Variants in REV1 observed in about 807,000 individuals in gnomAD.
The protein encoded by REV1 is translesion synthesis protein REV1.
REV1 carries 42 observed loss-of-function variants against 137.4 expected under a neutral mutation model. The observed-to-expected ratio is 0.31, with a 90% CI of 0.24 to 0.40. The LOEUF (loss-of-function observed/expected upper bound fraction) is 0.40. Ranked by LOEUF, REV1 falls within the 10% of genes least tolerant of loss-of-function variation. REV1 has a pLI of 1.00. For missense variants in REV1, 1,282 were observed against 1,490.1 expected (o/e 0.86, Z 2.30); for synonymous variants, 524 against 519.2 (o/e 1.01, Z -0.12).
intron 4 of REV1, among the ~76,000 whole-genome samples, chr2:99,447,997 A>G (rs1218223183): frequency 6.6e-6 from 1 of 152,148 alleles, no homozygotes; most frequent in Admixed American, 6.5e-5. Context: ...TGCCCGGCCA[A>G]GCATAAAGTT....
At position 99,405,949 on chromosome 2, in the gene REV1, C is replaced by T. The variant is rs199902703; in HGVS notation, c.2772G>A (p.Ser924=). 3 of 1,609,870 alleles carry T rather than the reference C, an allele frequency of 1.9e-6. No individual in the cohort carries two copies. Among genetic ancestry groups the T allele is most frequent in the Admixed American group, 1.7e-5 (1 of 59,560 alleles). Residue 924 remains serine, a synonymous_variant, in exon 17 of 23, where the codon TCG becomes TCA. Coordinates refer to ENST00000258428, the MANE Select transcript of REV1 (RefSeq NM_016316.4). ...GGACCTCTATACTCAGGTTAAGTCT[C>T]GACTGCACACTGACAGGAGTATGTA... ...NGLHTPVSVQ[S]RLNLSIEVPS...
chr2:99,468,125 A>C (rs1038174839), intron 1 of REV1, among the ~76,000 whole-genome samples: 1 of 151,778 alleles, frequency 6.6e-6, no homozygotes. Context: ...GGTTGCGGTG[A>C]GCCGAGATTG....
intron 3 of REV1, among the ~76,000 whole-genome samples, chr2:99,456,692 T>A (rs961613725): frequency 6.6e-6 from 1 of 152,252 alleles, no homozygotes; most frequent in African/African-American, 2.4e-5. Flanking sequence ...TAAATGTTTC[T>A]AGCAATAATG....
intron 4 of REV1, among the ~76,000 whole-genome samples, chr2:99,448,316 TTC>T (rs1314545679): frequency 2.0e-5 from 3 of 152,156 alleles, no homozygotes; most frequent in South Asian, 4.1e-4. Flanking sequence ...AATATTTTAC[TTC>T]TTTTATAAAT....
intron 10 of REV1, among the ~76,000 whole-genome samples, chr2:99,423,414 C>T (rs1380421885): frequency 3.3e-5 from 5 of 152,156 alleles, no homozygotes; most frequent in East Asian, 3.9e-4. Flanking sequence ...ATACATTCCC[C>T]GTGGCTGCTT....
chr2:99,468,998 A>G (rs1685116720), intron 1 of REV1, among the ~76,000 whole-genome samples: 2 of 152,238 alleles, frequency 1.3e-5, no homozygotes, highest in Admixed American at 6.5e-5. Flanking sequence ...TCCCAATTCT[A>G]CGACTGCCTA....
chr2:99,473,130 C>T (rs959890541), intron 1 of REV1, among the ~76,000 whole-genome samples: 3 of 152,010 alleles, frequency 2.0e-5, no homozygotes, highest in African/African-American at 4.8e-5. Flanking sequence ...CTTTGGGAGG[C>T]TGAGGTGGGC....
At chr2:99,460,807 GATA>G (rs1282476600) in intron 3 of REV1, among the ~76,000 whole-genome samples, 1 of 152,000 alleles carries the variant, frequency 6.6e-6, no homozygotes, top group African/African-American at 2.4e-5. Flanking sequence ...AAAGGATAGA[GATA>G]ATAACAGATC....
rs778301977 is a variant in REV1 at position 99,438,981 on chromosome 2, T to C, written c.833A>G (p.Gln278Arg). The change falls in exon 6 of 23, where the codon CAG becomes CGG. Residue 278 changes from glutamine (Q) to arginine (R), a missense_variant. Physicochemically the swap from Gln to Arg is conservative, Grantham distance 43. This residue lies in a region of REV1 where 432 missense variants were observed against 438.0 expected (regional missense o/e 0.99). Transcript: ENST00000258428. ...TGTGTTTCTGGTGCTTTGCTGCAACTGCTGCAGAGTGCAGTCTCTGAAATC... is the reference window on the plus strand; with the variant it reads ...TGTGTTTCTGGTGCTTTGCTGCAACCGCTGCAGAGTGCAGTCTCTGAAATC... ...STDFRDCTLQ[Q>R]LQQSTRNTDA... The C allele has an allele frequency of 3.7e-6, 6 of 1,614,122 alleles. No individual in the cohort carries two copies. Among genetic ancestry groups the C allele is most frequent in the Non-Finnish European group, 5.1e-6 (6 of 1,180,054 alleles).
intron 1 of REV1, among the ~76,000 whole-genome samples, chr2:99,476,413 G>A (rs1391705561): frequency 5.3e-5 from 8 of 152,030 alleles, no homozygotes; most frequent in African/African-American, 9.7e-5. Context: ...AAAATTAGCC[G>A]GGCATGGTGG....
At chr2:99,485,355 A>C (rs1345844048) in intron 1 of REV1, among the ~76,000 whole-genome samples, 2 of 152,260 alleles carry the variant, frequency 1.3e-5, no homozygotes, top group Admixed American at 1.3e-4. Flanking sequence ...GAACAGAAAG[A>C]TACAGAGCAC....
At position 99,438,873 on chromosome 2, in the gene REV1, TG is replaced by T. The variant is rs757694477; in HGVS notation, c.940del (p.His314ThrfsTer55). Reference protein sequence around the residue: ...HSNTKINGAHHSTVQGPSSTK... With the variant: ...HSNTKINGAHXSTVQGPSSTK... ...GCTTGAAGGCCCCTGAACAGTGGAGTGGTGAGCACCATTGATTTTAGTGTTA... is the reference window on the plus strand; with the variant it reads ...GCTTGAAGGCCCCTGAACAGTGGAGTGTGAGCACCATTGATTTTAGTGTTA... On this transcript the variant is annotated frameshift_variant, in exon 6 of 23. Transcript: ENST00000258428. LOFTEE classifies it high-confidence loss of function. 6.2e-7 allele frequency: 1 copy of T among 1,614,118 alleles called. No homozygotes were observed. Among genetic ancestry groups the T allele is most frequent in the Non-Finnish European group, 8.5e-7 (1 of 1,180,030 alleles).
intron 9 of REV1, among the ~76,000 whole-genome samples, chr2:99,427,335 T>A (rs1421731517): frequency 6.6e-6 from 1 of 152,222 alleles, no homozygotes; most frequent in East Asian, 1.9e-4. Context: ...TTCTAGGATA[T>A]CTGTGTATCG....
intron 12 of REV1, among the ~76,000 whole-genome samples, chr2:99,417,452 A>G (rs1171524463): frequency 6.6e-6 from 1 of 152,138 alleles, no homozygotes. Context: ...CCACAGTGTG[A>G]CTGTATTTGG....
intron 14 of REV1, among the ~76,000 whole-genome samples, 176 bp downstream of exon 14, chr2:99,410,519 C>A (rs1314778152): frequency 1.3e-5 from 2 of 152,194 alleles, no homozygotes; most frequent in African/African-American, 4.8e-5. Context: ...CTCGCTGAAA[C>A]CAAGTGCATT....
chr2:99,443,569 T>C (rs1681785957), intron 4 of REV1, among the ~76,000 whole-genome samples: 1 of 152,196 alleles, frequency 6.6e-6, no homozygotes, highest in African/African-American at 2.4e-5. Context: ...ACAGAGTATG[T>C]CCTTTATATA....
chr2:99,457,644 C>T (rs1054970635), intron 3 of REV1, among the ~76,000 whole-genome samples: 2 of 150,772 alleles, frequency 1.3e-5, no homozygotes, highest in African/African-American at 2.4e-5. Flanking sequence ...GAGATCATAC[C>T]ACTGTACTCC....
chr2:99,463,419 T>C (rs1440766825), intron 2 of REV1, among the ~76,000 whole-genome samples: 1 of 152,094 alleles, frequency 6.6e-6, no homozygotes, highest in Non-Finnish European at 1.5e-5. Flanking sequence ...CTCAGGAGGC[T>C]GAGGCAGGAG....
At chr2:99,445,399 C>G (rs1682067733) in intron 4 of REV1, among the ~76,000 whole-genome samples, 1 of 152,192 alleles carries the variant, frequency 6.6e-6, no homozygotes, top group Non-Finnish European at 1.5e-5. Context: ...CAACTCCCAA[C>G]AGATCTATGT....
Sources: allele counts gnomAD v4.1 joint callset (sites outside exome capture counted in the v4.1 genomes callset), GRCh38; gene constraint gnomAD v4.1.1; regional missense constraint gnomAD v4.1.1; transcripts MANE v1.5; gene names NCBI Gene and HGNC (gene_info 2026-07-23, HGNC 2026-07-21).